The following FBXL13 variants were observed in gnomAD, a reference collection of about 807,000 sequenced individuals.
FBXL13 encodes the protein F-box and leucine rich repeat protein 13.
A neutral mutation model predicts 83.6 loss-of-function variants in FBXL13; 67 were observed. That is an observed-to-expected ratio of 0.80 (90% CI 0.66 to 0.98). FBXL13 has a LOEUF of 0.98. FBXL13 is among the 50% of genes least tolerant of loss of function. FBXL13 has a pLI of 0.00. For synonymous variants in FBXL13, 272 were observed against 299.5 expected, an observed-to-expected ratio of 0.91 and a Z score of 0.95; for missense variants, 822 against 866.5, an observed-to-expected ratio of 0.95 and a Z score of 0.64.
chr7:102,912,988 T>C (rs945219269), intron 11 of FBXL13, 98 bp downstream of exon 12: 5 of 1,487,780 alleles, frequency 3.4e-6, no homozygotes, highest in Admixed American at 4.0e-5. Context: ...TGTGCTGCGG[T>C]CCGTGCACAG....
chr7:102,898,720 A>C (rs779675264), intron 11 of FBXL13, among the ~76,000 whole-genome samples: 11 of 152,154 alleles, frequency 7.2e-5, no homozygotes, highest in Non-Finnish European at 1.6e-4. Context: ...CCTGGATGTT[A>C]AGGATTGCTC....
At chr7:103,029,322 G>A in intron 3 of FBXL13, 29 bp downstream of exon 4, 3 of 1,395,896 alleles carry the variant, frequency 2.1e-6, no homozygotes, top group Non-Finnish European at 2.9e-6. Context: ...AACTCAAAGA[G>A]GAAGAAATTG....
intron 10 of FBXL13, among the ~76,000 whole-genome samples, chr7:102,916,449 G>A (rs1330472912): frequency 5.9e-5 from 9 of 152,164 alleles, no homozygotes; most frequent in Admixed American, 5.9e-4. Flanking sequence ...TCTCTGGATA[G>A]CTCTTTTCAC....
chr7:102,839,277 C>G (rs1802522467), intron 17 of FBXL13, among the ~76,000 whole-genome samples: 1 of 152,208 alleles, frequency 6.6e-6, no homozygotes, highest in Non-Finnish European at 1.5e-5. Flanking sequence ...CCCACCATCA[C>G]CCTGCTCTCC....
chr7:103,016,574 A>G (rs1014224409), intron 6 of FBXL13, among the ~76,000 whole-genome samples: 3 of 152,038 alleles, frequency 2.0e-5, no homozygotes, highest in Non-Finnish European at 4.4e-5. Context: ...TCCCTTTCCT[A>G]GCCAAGGGAA....
intron 16 of FBXL13, among the ~76,000 whole-genome samples, chr7:102,858,968 T>C (rs184578665): frequency 6.6e-6 from 1 of 152,286 alleles, no homozygotes; most frequent in African/African-American, 2.4e-5. Flanking sequence ...CTGAATTGTA[T>C]ACTTTAAATT....
intron 6 of FBXL13, among the ~76,000 whole-genome samples, chr7:103,001,516 TGA>T (rs1463255434): frequency 6.6e-6 from 1 of 152,200 alleles, no homozygotes; most frequent in Non-Finnish European, 1.5e-5. Context: ...ATTGTGTTTG[TGA>T]GAGTGTTGCC....
intron 11 of FBXL13, among the ~76,000 whole-genome samples, chr7:102,905,026 C>T (rs1813534642): frequency 6.6e-6 from 1 of 151,858 alleles, no homozygotes. Context: ...GTTTTGTGAA[C>T]TAACATATGA....
At chr7:102,877,685 G>A in intron 15 of FBXL13, 92 bp from the exon 17 acceptor site, 8 of 1,308,310 alleles carry the variant, frequency 6.1e-6, no homozygotes, top group Middle Eastern at 2.5e-4. Context: ...GAAAACAAAT[G>A]GTATTGAAGC....
chr7:102,920,936 G>A lies in FBXL13; in HGVS notation c.878+5338C>T, dbSNP rs573971807. On this transcript the variant is annotated intron_variant, in intron 10 of 19. Coordinates refer to ENST00000313221, the Ensembl canonical transcript of FBXL13. ...TGGGAGGCCGAGGTGGGCGGATCAC[G>A]AGGTCAGGAGTTCGAGACCGGCCTG... is the stretch of plus-strand genomic sequence containing the variant. Among the ~76,000 whole-genome samples the A allele has an allele frequency of 1.1e-4, 16 of 150,840 alleles. No individual in the cohort carries two copies. The South Asian group carries it at 2.7e-3, about 26-fold the overall frequency.
At chr7:102,853,824 T>C (rs914791840) in intron 17 of FBXL13, among the ~76,000 whole-genome samples, 19 of 151,988 alleles carry the variant, frequency 1.3e-4, no homozygotes, top group East Asian at 5.8e-4. Context: ...CAATGAGATA[T>C]CATCTCACAC....
chr7:103,044,309 A>G (rs1430977887), intron 2 of FBXL13, among the ~76,000 whole-genome samples: 1 of 152,248 alleles, frequency 6.6e-6, no homozygotes, highest in Non-Finnish European at 1.5e-5. Context: ...AACCAAGTGC[A>G]ATATGTAGAC....
At chr7:102,973,417 T>C (rs1826988607) in intron 6 of FBXL13, 1 of 703,558 alleles carries the variant, frequency 1.4e-6, no homozygotes, top group Non-Finnish European at 2.6e-6. Context: ...GGGTACCACA[T>C]AGCAGTTACA....
chr7:103,014,406 T>C (rs2129486829), intron 6 of FBXL13, among the ~76,000 whole-genome samples: 1 of 152,114 alleles, frequency 6.6e-6, no homozygotes, highest in East Asian at 1.9e-4. Flanking sequence ...AAAAAGCCCA[T>C]GACCAGATGG....
At chr7:102,934,059 C>T (rs759036679) in intron 8 of FBXL13, 3 of 1,614,164 alleles carry the variant, frequency 1.9e-6, no homozygotes, top group South Asian at 1.1e-5. Context: ...AAACGCTACG[C>T]ACCAGGCCTC....
At chr7:102,813,598 A>C in intron 19 of FBXL13, 67 bp from the exon 21 acceptor site, 2 of 1,529,376 alleles carry the variant, frequency 1.3e-6, no homozygotes, top group Non-Finnish European at 1.8e-6. Flanking sequence ...TTTCAAACTC[A>C]ACCAAATTTG....
intron 16 of FBXL13, among the ~76,000 whole-genome samples, chr7:102,873,022 T>C (rs1808729817): frequency 6.6e-6 from 1 of 152,172 alleles, no homozygotes; most frequent in East Asian, 1.9e-4. Context: ...ATAACTGTGT[T>C]CTCCTCTTTG....
intron 6 of FBXL13, among the ~76,000 whole-genome samples, chr7:103,018,111 A>T (rs1563225215): frequency 6.6e-6 from 1 of 152,242 alleles, no homozygotes; most frequent in Non-Finnish European, 1.5e-5. Context: ...TCCCATCAGA[A>T]TAACAGCGGA....
intron 8 of FBXL13, among the ~76,000 whole-genome samples, chr7:102,961,295 T>C (rs1458163303): frequency 7.0e-6 from 1 of 143,386 alleles, no homozygotes; most frequent in Non-Finnish European, 1.5e-5. Flanking sequence ...GAAGGACCTC[T>C]TCAAGGAGAA....
Sources: gnomAD v4.1 joint callset for allele counts (sites outside exome capture counted in the v4.1 genomes callset) on GRCh38, gnomAD v4.1.1 for gene constraint, MANE v1.5 for transcripts, NCBI Gene and HGNC (gene_info 2026-07-23, HGNC 2026-07-21) for gene names.